PARVA: variants seen among roughly 807,000 people sequenced by gnomAD.
PARVA encodes parvin alpha.
A neutral mutation model predicts 52.6 loss-of-function variants in PARVA; 25 were observed. The observed-to-expected ratio is 0.48, with a 90% CI of 0.35 to 0.66. The LOEUF (loss-of-function observed/expected upper bound fraction) is 0.66, where lower values mean the gene tolerates loss of function less well. PARVA is among the 30% of genes least tolerant of loss of function. The probability of loss-of-function intolerance (pLI) is 0.01; values close to 1 mark genes in which losing one functional copy is unlikely to be tolerated. For synonymous variants in PARVA, 185 were observed against 179.1 expected (o/e 1.03, Z -0.26); for missense variants, 373 against 450.9 (o/e 0.83, Z 1.56).
intron 5 of PARVA, among the ~76,000 whole-genome samples, chr11:12,501,099 T>C (rs1048971576): frequency 7.0e-6 from 1 of 142,250 alleles, no homozygotes. Context: ...CGAGCAAAAA[T>C]CCATCTCAAA....
intron 1 of PARVA, 62 bp from the exon 2 acceptor site, chr11:12,473,683 A>C: frequency 8.9e-6 from 11 of 1,239,054 alleles, no homozygotes; most frequent in African/African-American, 1.5e-5. Flanking sequence ...CCCTTGTTAC[A>C]GAGCTCCAAC....
chr11:12,507,824 C>T (rs956540952), intron 6 of PARVA, among the ~76,000 whole-genome samples: 43 of 152,082 alleles, frequency 2.8e-4, no homozygotes, highest in African/African-American at 1.0e-3. Flanking sequence ...TCTTCTATCC[C>T]GATTGACTTT....
chr11:12,514,093 AG>A, intron 10 of PARVA, 28 bp downstream of exon 10: 2 of 1,577,732 alleles, frequency 1.3e-6, no homozygotes, highest in Non-Finnish European at 1.7e-6. Flanking sequence ...GCACAGGTAG[AG>A]GCAGGGCCCT....
chr11:12,481,802 A>G (rs1437837529), intron 4 of PARVA, among the ~76,000 whole-genome samples: 1 of 152,124 alleles, frequency 6.6e-6, no homozygotes, highest in Non-Finnish European at 1.5e-5. Context: ...ACTATGAAAC[A>G]CTAGCACTTA....
At chr11:12,446,054 C>T (rs1940542919) in intron 1 of PARVA, among the ~76,000 whole-genome samples, 1 of 151,890 alleles carries the variant, frequency 6.6e-6, no homozygotes, top group Admixed American at 6.6e-5. Context: ...AAAAAATACA[C>T]ACCTTTTTTT....
At chr11:12,387,856 A>G (rs1939601668) in intron 1 of PARVA, among the ~76,000 whole-genome samples, 1 of 152,040 alleles carries the variant, frequency 6.6e-6, no homozygotes, top group South Asian at 2.1e-4. Context: ...CTGAAATGGC[A>G]TGGTACGTAT....
At chr11:12,477,817 A>T in intron 3 of PARVA, 30 bp from the exon 4 acceptor site, 2 of 1,164,346 alleles carry the variant, frequency 1.7e-6, no homozygotes, top group Middle Eastern at 1.9e-4. Flanking sequence ...TTTTCTTACT[A>T]TTGCACATTC....
intron 1 of PARVA, among the ~76,000 whole-genome samples, chr11:12,407,711 G>A (rs566874239): frequency 6.6e-6 from 1 of 152,336 alleles, no homozygotes; most frequent in African/African-American, 2.4e-5. Context: ...AGGCCTGGAA[G>A]TATTAGGTTC....
At chr11:12,451,727 A>G (rs1445480502) in intron 1 of PARVA, among the ~76,000 whole-genome samples, 1 of 152,200 alleles carries the variant, frequency 6.6e-6, no homozygotes, top group Non-Finnish European at 1.5e-5. Context: ...TCATTTACAA[A>G]GTCTGCATCC....
intron 4 of PARVA, among the ~76,000 whole-genome samples, chr11:12,496,214 G>T (rs1407545178): frequency 1.3e-5 from 2 of 152,290 alleles, no homozygotes; most frequent in East Asian, 3.9e-4. Context: ...TAGGTTAAAT[G>T]CCCCTGGGAT....
At chr11:12,420,585 C>G (rs549182690) in intron 1 of PARVA, among the ~76,000 whole-genome samples, 36 of 152,298 alleles carry the variant, frequency 2.4e-4, no homozygotes, top group African/African-American at 8.4e-4. Flanking sequence ...GTTCTGTAAG[C>G]TCCTGGAAGT....
At chr11:12,454,618 T>C (rs1940671581) in intron 1 of PARVA, among the ~76,000 whole-genome samples, 2 of 151,482 alleles carry the variant, frequency 1.3e-5, no homozygotes, top group African/African-American at 4.8e-5. Flanking sequence ...TGTGGAAAAC[T>C]TCTAACAATT....
At position 12,511,544 on chromosome 11, in the gene PARVA, T is replaced by A; in HGVS notation, c.736+11T>A. The A allele has an allele frequency of 1.2e-6, 2 of 1,613,288 alleles. No individual in the cohort carries two copies. Among genetic ancestry groups the A allele is most frequent in the South Asian group, 2.2e-5 (2 of 90,834 alleles). The stretch of plus-strand genomic sequence containing the variant: ...TTTCCGGGAGGCATGGTAAGTCACA[T>A]AAGATTGTCCTCTGGCACTGGTGGC... On this transcript the variant is annotated intron_variant, in intron 8 of 12. Transcript: ENST00000334956.
intron 9 of PARVA, chr11:12,513,736 C>T (rs1241856089): frequency 1.7e-6 from 1 of 590,872 alleles, no homozygotes; most frequent in Non-Finnish European, 3.0e-6. Flanking sequence ...CTGGCTCAGA[C>T]ACTCCACCTA....
At chr11:12,508,056 G>T (rs1205696990) in intron 6 of PARVA, among the ~76,000 whole-genome samples, 1 of 141,760 alleles carries the variant, frequency 7.1e-6, no homozygotes, top group Non-Finnish European at 1.5e-5. Context: ...AGTTACCTGA[G>T]TGAGGACTTA....
At chr11:12,413,316 T>C (rs913953071) in intron 1 of PARVA, among the ~76,000 whole-genome samples, 2 of 152,172 alleles carry the variant, frequency 1.3e-5, no homozygotes, top group Non-Finnish European at 2.9e-5. Context: ...GGATATAAAA[T>C]AGTTGCCAAT....
intron 8 of PARVA, chr11:12,513,023 T>C: frequency 1.6e-6 from 1 of 610,048 alleles, no homozygotes; most frequent in African/African-American, 1.8e-5. Flanking sequence ...GGGAAATGAC[T>C]AATCCCGGGT....
intron 4 of PARVA, among the ~76,000 whole-genome samples, chr11:12,487,629 C>T (rs1034804609): frequency 2.0e-5 from 3 of 152,154 alleles, no homozygotes; most frequent in African/African-American, 7.2e-5. Flanking sequence ...TGAAGATCCT[C>T]CTCCTATAAT....
At chr11:12,387,554 C>T (rs964558841) in intron 1 of PARVA, among the ~76,000 whole-genome samples, 9 of 149,126 alleles carry the variant, frequency 6.0e-5, no homozygotes, top group Non-Finnish European at 1.2e-4. Flanking sequence ...TATTTTTGAG[C>T]GTGTGTGTGT....
Sources: gnomAD v4.1 joint callset for allele counts (sites outside exome capture counted in the v4.1 genomes callset) on GRCh38, gnomAD v4.1.1 for gene constraint, MANE v1.5 for transcripts, NCBI Gene and HGNC (gene_info 2026-07-23, HGNC 2026-07-21) for gene names.